Variants in NDUFA10 observed in about 807,000 individuals in gnomAD.
NDUFA10 encodes the protein NADH:ubiquinone oxidoreductase subunit A10.
A neutral mutation model predicts 47.8 loss-of-function variants in NDUFA10; 40 were observed. The observed-to-expected ratio is 0.84, with a 90% CI of 0.65 to 1.09. The LOEUF is 1.09. Ranked by LOEUF, NDUFA10 falls within the 50% of genes least tolerant of loss-of-function variation. The probability of loss-of-function intolerance (pLI) is 0.00; values close to 1 mark genes in which losing one functional copy is unlikely to be tolerated. For synonymous variants in NDUFA10, 183 were observed against 172.2 expected (o/e 1.06, Z -0.49); for missense variants, 413 against 451.1 (o/e 0.92, Z 0.76).
intron 4 of NDUFA10, among the ~76,000 whole-genome samples, chr2:239,898,407 G>A (rs1377495525): frequency 1.3e-5 from 2 of 152,202 alleles, no homozygotes; most frequent in Non-Finnish European, 2.9e-5. Flanking sequence ...AGGTGGCCCC[G>A]AGGGAGCTGC....
intron 8 of NDUFA10, among the ~76,000 whole-genome samples, chr2:240,004,762 C>T (rs1696881135): frequency 6.6e-6 from 1 of 152,168 alleles, no homozygotes; most frequent in Non-Finnish European, 1.5e-5. Flanking sequence ...ACCCCACGGC[C>T]CACAGGACCC....
intron 9 of NDUFA10, chr2:239,983,801 G>C: frequency 6.6e-7 from 1 of 1,505,880 alleles, no homozygotes; most frequent in Non-Finnish European, 8.9e-7. Flanking sequence ...CAAAGTCTGA[G>C]AAAATGTTAC....
chr2:240,022,656 A>G (rs550379513), intron 1 of NDUFA10, among the ~76,000 whole-genome samples: 19 of 152,156 alleles, frequency 1.2e-4, no homozygotes, highest in Non-Finnish European at 2.6e-4. Context: ...GGGTGGATGG[A>G]TGGATGGATG....
Position 240,014,820 on chromosome 2 carries a change from G to C in NDUFA10, c.588C>G (p.Cys196Trp), listed in dbSNP as rs143565087. 199 of 1,614,034 alleles carry C rather than the reference G, an allele frequency of 1.2e-4. No individual in the cohort carries two copies. The highest frequency in any genetic ancestry group is 1.6e-4 in the Non-Finnish European group (194 of 1,180,034). The change falls in exon 5 of 10, where the codon TGC becomes TGG. Residue 196 changes from cysteine (C) to tryptophan (W), a missense_variant. By Grantham distance (215) the Cys-to-Trp change is radical (BLOSUM62 -2). Coordinates refer to ENST00000252711, the MANE Select transcript of NDUFA10 (RefSeq NM_004544.4). ...HYNEVKSVTI[C>W]DYLPPHLVIY... is the part of the protein sequence containing the mutation. The stretch of plus-strand genomic sequence containing the variant: ...TCACCAGGTGGGGGGGCAGGTAATC[G>C]CAGATGGTGACGCTCTTCACCTCGT...
At chr2:239,957,167 G>A (rs1239561362), downstream of NDUFA10, among the ~76,000 whole-genome samples, 1 of 152,170 alleles carries the variant, frequency 6.6e-6, no homozygotes, top group Non-Finnish European at 1.5e-5. Flanking sequence ...TGCATCAGGG[G>A]CTTCCACCTG....
chr2:240,018,543 G>A lies in NDUFA10; in HGVS notation c.547+10C>T, dbSNP rs1697464746. 1 of 1,614,234 alleles carries A rather than the reference G, an allele frequency of 6.2e-7. No homozygotes were observed. Among genetic ancestry groups the A allele is most frequent in the Non-Finnish European group, 8.5e-7 (1 of 1,180,034 alleles). ...ACACACCCAGAAGTGGGTCTGCAAT[G>A]CTGACTCACACTGCTTTCGGATGAA... On this transcript the variant is annotated intron_variant, in intron 4 of 9. Coordinates refer to ENST00000252711, the MANE Select transcript of NDUFA10 (RefSeq NM_004544.4).
At position 239,944,179 on chromosome 2, in the gene NDUFA10, C is replaced by T. The variant is rs75361868; in HGVS notation, c.294+45895G>A. 3.0e-3 allele frequency among the ~76,000 whole-genome samples: 455 copies of T among 152,372 alleles called. 12 individuals are homozygous for T. The East Asian group carries it at 0.043, about 14-fold the overall frequency. ...AGGAGGCACATGACTCAGCCCACCCCCTCCTGGCATTGTTATCCTCCTGCC... is the reference window on the plus strand; with the variant it reads ...AGGAGGCACATGACTCAGCCCACCCTCTCCTGGCATTGTTATCCTCCTGCC... On this transcript the variant is annotated intron_variant, in intron 4 of 5. Coordinates refer to the NDUFA10 transcript ENST00000419408.
At chr2:239,957,347 T>C (rs956863901), downstream of NDUFA10, 1 of 152,192 alleles carries the variant, frequency 6.6e-6, no homozygotes, top group African/African-American at 2.4e-5. Context: ...AAAGCTGGGA[T>C]TTTTAATATA....
chr2:240,005,392 A>T lies in NDUFA10; in HGVS notation c.805-97T>A, dbSNP rs552803871. ...GAGACAGGGTCCGGCTCTATCATCC[A>T]GGCTGGAAAGTAGTGGCACAATCAC... On this transcript the variant is annotated intron_variant, in intron 7 of 9. Transcript: ENST00000252711. 3.5e-5 allele frequency: 34 copies of T among 978,534 alleles called. 1 individual carries two copies. The South Asian group carries it at 4.2e-4, about 12-fold the overall frequency. 60.6% of individuals were successfully genotyped at this position (978,534 alleles called of 1,614,324 possible). A position where few individuals can be genotyped will look rare whatever the true frequency, so the allele number is the denominator to read the frequency against.
chr2:239,943,633 AT>A (rs953478729), intron 4 of NDUFA10, among the ~76,000 whole-genome samples: 4 of 152,024 alleles, frequency 2.6e-5, no homozygotes, highest in African/African-American at 9.7e-5. Context: ...TGTCTTTGAC[AT>A]TTTTTTAATG....
chr2:239,952,239 C>T (rs1465819802), intron 4 of NDUFA10, among the ~76,000 whole-genome samples: 4 of 95,108 alleles, frequency 4.2e-5, no homozygotes, highest in South Asian at 3.8e-4. Context: ...AGGAGGGGGG[C>T]GCAGGGAGGG....
downstream of NDUFA10, among the ~76,000 whole-genome samples, chr2:239,952,416 C>G (rs1003655296): frequency 5.3e-5 from 8 of 151,598 alleles, no homozygotes; most frequent in Admixed American, 2.0e-4. Context: ...AACCCACCCC[C>G]ACTGGCCGGC....
chr2:239,959,909 C>T lies in NDUFA10; in HGVS notation c.*1209G>A. ...AAGGAGTGTGCATCTTCTTCGCATG[C>T]TCCGCAGCAGCGAGGCCTGGTAGAG... On this transcript the variant is annotated 3_prime_UTR_variant, in exon 10 of 10. Coordinates refer to ENST00000252711, the MANE Select transcript of NDUFA10 (RefSeq NM_004544.4). 1 of 985,506 alleles carries T rather than the reference C, an allele frequency of 1.0e-6. No homozygotes were observed. The highest frequency in any genetic ancestry group is 1.2e-6 in the Non-Finnish European group (1 of 829,964). The allele number at this position is 985,506 out of a possible 1,614,324, so 61.0% of individuals were successfully genotyped here. A position where few individuals can be genotyped will look rare whatever the true frequency, so the allele number is the denominator to read the frequency against.
At chr2:239,912,262 C>T (rs538427317) in intron 4 of NDUFA10, among the ~76,000 whole-genome samples, 4 of 152,202 alleles carry the variant, frequency 2.6e-5, no homozygotes, top group South Asian at 4.1e-4. Flanking sequence ...GGAACATCTC[C>T]TCCAGGATTC....
chr2:239,928,388 A>C lies in NDUFA10; in HGVS notation c.295-33074T>G, dbSNP rs1694100664. Among the ~76,000 whole-genome samples, 1 of 152,220 alleles carries C rather than the reference A, an allele frequency of 6.6e-6. No individual in the cohort carries two copies. On this transcript the variant is annotated intron_variant, in intron 4 of 5. Transcript: ENST00000419408. This position sits in a 1 kb window ranked among gnomAD's most constrained non-coding sequence, Gnocchi z 4.3. ...TGAAATACAGAGCTGGAAAGAGAACACAAAGAGGAAAAAGGAAAACCACTT... is the reference window on the plus strand; with the variant it reads ...TGAAATACAGAGCTGGAAAGAGAACCCAAAGAGGAAAAAGGAAAACCACTT...
chr2:240,005,055 G>T (rs1696890789), intron 8 of NDUFA10, among the ~76,000 whole-genome samples, 155 bp downstream of exon 8: 1 of 152,184 alleles, frequency 6.6e-6, no homozygotes, highest in African/African-American at 2.4e-5. Flanking sequence ...CAGACCAGGG[G>T]ATTCAGGAGC....
intron 4 of NDUFA10, among the ~76,000 whole-genome samples, chr2:239,931,107 C>G (rs915084659): frequency 6.6e-6 from 1 of 152,188 alleles, no homozygotes; most frequent in African/African-American, 2.4e-5. Context: ...TGCTTCTGGT[C>G]CCATTGGCTT....
At chr2:239,953,903 C>A (rs557842267), downstream of NDUFA10, among the ~76,000 whole-genome samples, 1 of 152,230 alleles carries the variant, frequency 6.6e-6, no homozygotes, top group African/African-American at 2.4e-5. Flanking sequence ...ACGCCCCCGC[C>A]GCCTCAGGGC....
At chr2:239,937,812 C>T (rs1299871644) in intron 4 of NDUFA10, among the ~76,000 whole-genome samples, 1 of 152,208 alleles carries the variant, frequency 6.6e-6, no homozygotes, top group African/African-American at 2.4e-5. Context: ...TCTCCACATC[C>T]TTGTCAACGT....
Sources: gnomAD v4.1 joint callset for allele counts (sites outside exome capture counted in the v4.1 genomes callset) on GRCh38, gnomAD v4.1.1 for gene constraint, Gnocchi (gnomAD v3.1) non-coding constraint, MANE v1.5 for transcripts, NCBI Gene and HGNC (gene_info 2026-07-23, HGNC 2026-07-21) for gene names.